The following ZC3H18 variants were observed in gnomAD, a reference collection of about 807,000 sequenced individuals.
ZC3H18 encodes zinc finger CCCH domain-containing protein 18.
ZC3H18 carries 8 observed loss-of-function variants against 106.1 expected under a neutral mutation model. The observed-to-expected ratio is 0.08, with a 90% CI of 0.04 to 0.14. ZC3H18 has a LOEUF of 0.14. ZC3H18 is among the 10% of genes least tolerant of loss of function. The pLI is 1.00. For synonymous variants in ZC3H18, 635 were observed against 522.1 expected (o/e 1.22, Z -2.95); for missense variants, 1,318 against 1,278.4 (o/e 1.03, Z -0.47).
At position 88,627,419 on chromosome 16, in the gene ZC3H18, TAGTGAA is replaced by T. The variant is rs1906378711; in HGVS notation, c.2109-201_2109-196del. 1.8e-6 allele frequency: 1 copy of T among 571,020 alleles called. No homozygotes were observed. The highest frequency in any genetic ancestry group is 3.1e-5 in the East Asian group (1 of 32,734). 35.4% of individuals were successfully genotyped at this position (571,020 alleles called of 1,614,324 possible). A position where few individuals can be genotyped will look rare whatever the true frequency, so the allele number is the denominator to read the frequency against. ...TGCCTGGCTGCAACCTGACATTGAT[TAGTGAA>T]ATGGGGCCCTGGCCTAGCCATGGGG... On this transcript the variant is annotated intron_variant, in intron 13 of 17. Transcript: ENST00000301011. The surrounding 1 kb of genome is among the most constrained non-coding windows in gnomAD (Gnocchi z 4.5).
intron 8 of ZC3H18, among the ~76,000 whole-genome samples, chr16:88,618,470 G>A (rs890938101): frequency 1.3e-5 from 2 of 152,192 alleles, no homozygotes; most frequent in Non-Finnish European, 2.9e-5. Flanking sequence ...ACCTTCATGC[G>A]TTTTTATCCT....
intron 1 of ZC3H18, among the ~76,000 whole-genome samples, chr16:88,573,878 G>GT (rs542150098): frequency 1.1e-3 from 155 of 147,020 alleles, no homozygotes; most frequent in East Asian, 7.3e-3. Context: ...AACCATTTAG[G>GT]TTTTTTTTTT....
At chr16:88,602,290 C>T (rs1485991452) in intron 6 of ZC3H18, among the ~76,000 whole-genome samples, 1 of 152,238 alleles carries the variant, frequency 6.6e-6, no homozygotes, top group Non-Finnish European at 1.5e-5. Flanking sequence ...AAGCCAGCAG[C>T]ACTTATGTGT....
intron 1 of ZC3H18, among the ~76,000 whole-genome samples, chr16:88,574,751 T>C (rs1914634897): frequency 6.9e-6 from 1 of 145,656 alleles, no homozygotes; most frequent in Non-Finnish European, 1.5e-5. Flanking sequence ...TGGACTCAAG[T>C]GATCCGCCCA....
At chr16:88,625,479 C>A in intron 13 of ZC3H18, 1 of 606,964 alleles carries the variant, frequency 1.6e-6, no homozygotes, top group African/African-American at 1.9e-5. Context: ...CTCCCCCCAC[C>A]AAAAAAAGAT....
chr16:88,576,331 C>A (rs1435115064), intron 1 of ZC3H18, among the ~76,000 whole-genome samples: 1 of 152,292 alleles, frequency 6.6e-6, no homozygotes, highest in South Asian at 2.1e-4. Context: ...TGCGAGCCAC[C>A]GTACCTGGCC....
chr16:88,622,892 G>C, intron 9 of ZC3H18: 1 of 352,078 alleles, frequency 2.8e-6, no homozygotes, highest in South Asian at 3.0e-5. Context: ...GAAAGTGGAT[G>C]CAGATGAACA....
At chr16:88,571,511 G>C (rs1037539967) in intron 1 of ZC3H18, 2 of 578,854 alleles carry the variant, frequency 3.5e-6, no homozygotes, top group Non-Finnish European at 4.4e-6. Flanking sequence ...TGGGAGGAGA[G>C]TCTTTTCCTG....
At chr16:88,610,528 C>G (rs1042033505) in intron 7 of ZC3H18, among the ~76,000 whole-genome samples, 1 of 152,238 alleles carries the variant, frequency 6.6e-6, no homozygotes, top group Non-Finnish European at 1.5e-5. Flanking sequence ...CCACTGCGTT[C>G]CTCTCTGCTG....
At chr16:88,611,845 G>T (rs912871826) in intron 8 of ZC3H18, among the ~76,000 whole-genome samples, 5 of 152,212 alleles carry the variant, frequency 3.3e-5, no homozygotes, top group African/African-American at 1.2e-4. Context: ...AATAGGCGCT[G>T]CCCTTGTATA....
chr16:88,623,318 C>G lies in ZC3H18; in HGVS notation c.1767C>G (p.His589Gln), dbSNP rs189691374. The G allele has an allele frequency of 6.2e-6, 10 of 1,613,830 alleles. No homozygotes were observed. In the East Asian group the frequency reaches 1.6e-4, roughly 25 times the overall value. The change falls in exon 10 of 18, where the codon CAC becomes CAG. Residue 589 changes from histidine to glutamine, a missense_variant. His to Gln is a conservative substitution (Grantham distance 24). Coordinates refer to ENST00000301011, the MANE Select transcript of ZC3H18 (RefSeq NM_144604.4). Reference sequence around the variant, plus strand: ...CCTACTCCAGCCGCTCTTCCAGACACAGCTCGTTCTCAGGAAGCCGGTCCA... The same window carrying G: ...CCTACTCCAGCCGCTCTTCCAGACAGAGCTCGTTCTCAGGAAGCCGGTCCA... ...YSSYSSRSSR[H>Q]SSFSGSRSRS... is the part of the protein sequence containing the mutation.
chr16:88,603,985 G>T (rs1363176890), intron 6 of ZC3H18, among the ~76,000 whole-genome samples: 1 of 152,030 alleles, frequency 6.6e-6, no homozygotes, highest in Non-Finnish European at 1.5e-5. Flanking sequence ...GACGCACTCT[G>T]ATTCGCAGCT....
chr16:88,605,972 G>A (rs1421116515), intron 6 of ZC3H18, among the ~76,000 whole-genome samples: 3 of 152,236 alleles, frequency 2.0e-5, no homozygotes, highest in Non-Finnish European at 4.4e-5. Flanking sequence ...CTGGGGACGC[G>A]GGGCCTCTGG....
At chr16:88,571,920 G>T (rs929164550) in intron 1 of ZC3H18, among the ~76,000 whole-genome samples, 3 of 152,228 alleles carry the variant, frequency 2.0e-5, no homozygotes, top group African/African-American at 7.2e-5. Context: ...TCTGTTGAAA[G>T]TAATTGTCCC....
Position 88,586,528 on chromosome 16 carries a change from C to T in ZC3H18, c.604-72C>T, listed in dbSNP as rs1281436932. 1.3e-5 allele frequency: 17 copies of T among 1,292,810 alleles called. No homozygotes were observed. In the South Asian group the frequency reaches 1.5e-4, roughly 12 times the overall value. 80.1% of individuals were successfully genotyped at this position (1,292,810 alleles called of 1,614,324 possible). On this transcript the variant is annotated intron_variant, in intron 2 of 17. Coordinates refer to ENST00000301011, the MANE Select transcript of ZC3H18 (RefSeq NM_144604.4). The stretch of plus-strand genomic sequence containing the variant: ...AGGTTCCACACGCAGCTTCCTGCCC[C>T]TTCTGGTTTGGAGAAAGCAGTGCTG...
At chr16:88,615,310 C>G (rs766145665) in intron 8 of ZC3H18, among the ~76,000 whole-genome samples, 10 of 152,152 alleles carry the variant, frequency 6.6e-5, no homozygotes, top group Non-Finnish European at 1.0e-4. Context: ...GGAAGTCTCC[C>G]CATCCCCTCC....
intron 2 of ZC3H18, among the ~76,000 whole-genome samples, chr16:88,578,629 G>T (rs1267177573): frequency 6.6e-6 from 1 of 152,048 alleles, no homozygotes; most frequent in African/African-American, 2.4e-5. Context: ...CTGATGTCAT[G>T]CTCTGGGTTG....
Position 88,627,400 on chromosome 16 carries a change from G to A in ZC3H18, c.2109-222G>A. 1.9e-6 allele frequency: 1 copy of A among 519,274 alleles called. No individual in the cohort carries two copies. The highest frequency in any genetic ancestry group is 3.3e-6 in the Non-Finnish European group (1 of 300,346). The allele number at this position is 519,274 out of a possible 1,614,324, so 32.2% of individuals were successfully genotyped here. On this transcript the variant is annotated intron_variant, in intron 13 of 17. Coordinates refer to ENST00000301011, the MANE Select transcript of ZC3H18 (RefSeq NM_144604.4). This position sits in a 1 kb window ranked among gnomAD's most constrained non-coding sequence, Gnocchi z 4.5. ...TTACAGGCGTGAGCAGCCGTGCCTG[G>A]CTGCAACCTGACATTGATTAGTGAA... is the stretch of plus-strand genomic sequence containing the variant.
chr16:88,578,386 G>T (rs1914893403), intron 2 of ZC3H18, among the ~76,000 whole-genome samples: 1 of 152,118 alleles, frequency 6.6e-6, no homozygotes, highest in Non-Finnish European at 1.5e-5. Flanking sequence ...GGGTAGGTGG[G>T]GTTTTCTTAG....
Sources: allele counts gnomAD v4.1 joint callset (sites outside exome capture counted in the v4.1 genomes callset), GRCh38; gene constraint gnomAD v4.1.1; non-coding constraint Gnocchi (gnomAD v3.1); transcripts MANE v1.5; gene names NCBI Gene and HGNC (gene_info 2026-07-23, HGNC 2026-07-21).